LARGE1: variants seen among roughly 807,000 people sequenced by gnomAD.
LARGE1 encodes LARGE xylosyl- and glucuronyltransferase 1, also known as xylosyl- and glucuronyltransferase LARGE1.
LARGE1 carries 43 observed loss-of-function variants against 87.6 expected under a neutral mutation model. The ratio of observed to expected loss-of-function variants is 0.49; its 90% CI spans 0.38 to 0.63. The LOEUF (loss-of-function observed/expected upper bound fraction) is 0.63. LARGE1 is among the 30% of genes least tolerant of loss of function. LARGE1 has a pLI of 0.00. For missense variants in LARGE1, 802 were observed against 1,000.2 expected (o/e 0.80, Z 2.67); for synonymous variants, 434 against 394.6 (o/e 1.10, Z -1.18).
At chr22:33,089,414 ACTT>A in the LARGE1 span, among the ~76,000 whole-genome samples, 40 of 66,468 alleles carry the variant, frequency 6.0e-4, no homozygotes, top group African/African-American at 1.0e-3. Flanking sequence ...TTCTTCTTCT[ACTT>A]CTTCTTCCTC....
intron 11 of LARGE1, among the ~76,000 whole-genome samples, chr22:33,197,052 C>T (rs1443782599): frequency 6.6e-6 from 1 of 151,992 alleles, no homozygotes; most frequent in Non-Finnish European, 1.5e-5. Context: ...AAAAAAAGCA[C>T]TTTTGATTAT....
intron 1 of LARGE1, among the ~76,000 whole-genome samples, chr22:33,862,019 C>T (rs769464325): frequency 6.6e-6 from 1 of 151,918 alleles, no homozygotes; most frequent in Non-Finnish European, 1.5e-5. Context: ...CCACCATGCC[C>T]GGCTCATTTT....
intron 9 of LARGE1, among the ~76,000 whole-genome samples, chr22:33,342,108 T>A (rs753145730): frequency 6.6e-6 from 1 of 152,306 alleles, no homozygotes; most frequent in Non-Finnish European, 1.5e-5. Context: ...TGAGAACACA[T>A]TTGATCTGGG....
chr22:33,640,966 G>A (rs1295684887), intron 3 of LARGE1, among the ~76,000 whole-genome samples: 1 of 152,204 alleles, frequency 6.6e-6, no homozygotes, highest in Non-Finnish European at 1.5e-5. Flanking sequence ...AGCACCTGGG[G>A]CAAAAGGTGG....
intron 4 of LARGE1, among the ~76,000 whole-genome samples, chr22:33,606,374 C>T (rs2079261246): frequency 6.6e-6 from 1 of 151,410 alleles, no homozygotes; most frequent in South Asian, 2.1e-4. Context: ...GACTGCACTC[C>T]AGCCTGGGTG....
At chr22:33,471,029 C>CTTTT (rs372332553) in intron 6 of LARGE1, among the ~76,000 whole-genome samples, 25 of 129,710 alleles carry the variant, frequency 1.9e-4, no homozygotes, top group Non-Finnish European at 2.4e-4. Flanking sequence ...TCTTCTTCTT[C>CTTTT]TTTTTTTTTT....
At chr22:33,893,350 C>T (rs1304805977) in intron 1 of LARGE1, among the ~76,000 whole-genome samples, 2 of 152,186 alleles carry the variant, frequency 1.3e-5, no homozygotes, top group Non-Finnish European at 2.9e-5. Flanking sequence ...TTAAACTATT[C>T]CATGTCCTTT....
intron 7 of LARGE1, among the ~76,000 whole-genome samples, chr22:33,401,437 C>T (rs1259325604): frequency 3.3e-5 from 5 of 151,874 alleles, no homozygotes; most frequent in Non-Finnish European, 7.4e-5. Flanking sequence ...AGCATCTAGC[C>T]AGATTGATGA....
chr22:33,713,848 T>G (rs1037637381), intron 2 of LARGE1, among the ~76,000 whole-genome samples: 2 of 152,042 alleles, frequency 1.3e-5, no homozygotes, highest in Non-Finnish European at 2.9e-5. Context: ...CCCAGCTATT[T>G]AGGAGGCTGA....
At chr22:33,591,984 C>A (rs1040700979) in intron 5 of LARGE1, among the ~76,000 whole-genome samples, 1 of 149,610 alleles carries the variant, frequency 6.7e-6, no homozygotes, top group East Asian at 2.0e-4. Flanking sequence ...TATGATTCTG[C>A]CACTGCACTT....
intron 9 of LARGE1, among the ~76,000 whole-genome samples, chr22:33,354,548 G>T (rs1342029525): frequency 6.6e-6 from 1 of 152,186 alleles, no homozygotes; most frequent in East Asian, 1.9e-4. Context: ...GACATTAAGT[G>T]AGGACTTATT....
intron 9 of LARGE1, among the ~76,000 whole-genome samples, chr22:33,376,813 C>G (rs1017914221): frequency 5.3e-5 from 8 of 152,124 alleles, no homozygotes; most frequent in African/African-American, 1.9e-4. Flanking sequence ...ATAATGCTAA[C>G]CCAGCACTTT....
chr22:33,456,691 CA>C (rs1186347746), intron 6 of LARGE1, among the ~76,000 whole-genome samples: 1 of 152,164 alleles, frequency 6.6e-6, no homozygotes, highest in African/African-American at 2.4e-5. Flanking sequence ...TTTTCAGTGA[CA>C]GTGACCCAGT....
intron 4 of LARGE1, among the ~76,000 whole-genome samples, chr22:33,605,410 T>C (rs1228474676): frequency 6.6e-6 from 1 of 151,984 alleles, no homozygotes; most frequent in Non-Finnish European, 1.5e-5. Context: ...TGGAAACAGG[T>C]TCCAAACCCA....
At chr22:33,604,871 G>C (rs2079210604) in intron 4 of LARGE1, among the ~76,000 whole-genome samples, 1 of 152,032 alleles carries the variant, frequency 6.6e-6, no homozygotes, top group Non-Finnish European at 1.5e-5. Flanking sequence ...CGTAAGTAGA[G>C]CATGTGTTAA....
intron 10 of LARGE1, among the ~76,000 whole-genome samples, chr22:33,321,255 T>C (rs1045546514): frequency 6.6e-6 from 1 of 152,250 alleles, no homozygotes; most frequent in Non-Finnish European, 1.5e-5. Flanking sequence ...AAGACACCTA[T>C]GTGGATACTT....
intron 1 of LARGE1, among the ~76,000 whole-genome samples, chr22:33,897,412 C>G (rs990583520): frequency 6.6e-6 from 1 of 152,166 alleles, no homozygotes. Context: ...ATAAGGGGTT[C>G]CTTCCTGTGG....
At chr22:33,534,277 A>G (rs557892349) in intron 6 of LARGE1, among the ~76,000 whole-genome samples, 117 of 152,114 alleles carry the variant, frequency 7.7e-4, no homozygotes, top group African/African-American at 2.7e-3. Flanking sequence ...GGTGGTGGGC[A>G]CCTGTAGTCC....
At chr22:33,879,808 G>C (rs2064612624) in intron 1 of LARGE1, among the ~76,000 whole-genome samples, 2 of 152,216 alleles carry the variant, frequency 1.3e-5, no homozygotes, top group Non-Finnish European at 1.5e-5. Context: ...CTTCAAAGAA[G>C]AGGCTATGCC....
Sources: allele counts gnomAD v4.1 joint callset (sites outside exome capture counted in the v4.1 genomes callset), GRCh38; gene constraint gnomAD v4.1.1; transcripts MANE v1.5; gene names NCBI Gene and HGNC (gene_info 2026-07-23, HGNC 2026-07-21).